The following RELN variants were observed in gnomAD, a reference collection of about 807,000 sequenced individuals.
The protein encoded by RELN is reelin.
A neutral mutation model predicts 427.6 loss-of-function variants in RELN; 108 were observed. That is an observed-to-expected ratio of 0.25 (90% CI 0.22 to 0.30). The LOEUF is 0.30. Among genes scored for constraint, RELN ranks in the 10% least tolerant of loss-of-function variants. RELN has a pLI of 1.00. For synonymous variants in RELN, 1,524 were observed against 1,513.4 expected (o/e 1.01, Z -0.16); for missense variants, 3,715 against 4,302.8 (o/e 0.86, Z 3.82).
chr7:103,920,625 G>C (rs548261763), intron 1 of RELN, among the ~76,000 whole-genome samples: 3 of 145,108 alleles, frequency 2.1e-5, no homozygotes, highest in African/African-American at 8.1e-5. Context: ...CCAGGCTGGA[G>C]TGCAGTGGCA....
chr7:103,749,088 T>A (rs753227415), intron 6 of RELN, among the ~76,000 whole-genome samples: 1 of 152,170 alleles, frequency 6.6e-6, no homozygotes, highest in African/African-American at 2.4e-5. Flanking sequence ...AAATCATTTG[T>A]CATTTCAGAT....
chr7:103,779,683 C>T (rs557116108), intron 3 of RELN, among the ~76,000 whole-genome samples: 2 of 152,120 alleles, frequency 1.3e-5, no homozygotes, highest in Non-Finnish European at 2.9e-5. Flanking sequence ...AGCTTTCAAT[C>T]TCTTTTCAGA....
intron 2 of RELN, among the ~76,000 whole-genome samples, chr7:103,860,600 C>T (rs1455551899): frequency 2.0e-5 from 3 of 152,234 alleles, no homozygotes; most frequent in African/African-American, 7.2e-5. Context: ...GTATGGCAGA[C>T]GTGGCTTATA....
chr7:103,564,802 T>C (rs572646818), intron 34 of RELN, among the ~76,000 whole-genome samples: 2 of 152,238 alleles, frequency 1.3e-5, no homozygotes, highest in East Asian at 3.9e-4. Flanking sequence ...GGAAGCCTGC[T>C]GTAAGTCAGT....
chr7:103,572,888 T>G (rs752892862), intron 30 of RELN, among the ~76,000 whole-genome samples: 53 of 152,194 alleles, frequency 3.5e-4, no homozygotes, highest in South Asian at 8.3e-4. Context: ...GGGATACATG[T>G]GCAGAACGTG....
chr7:103,665,879 TCA>T (rs1833254174), intron 11 of RELN, among the ~76,000 whole-genome samples: 1 of 140,996 alleles, frequency 7.1e-6, no homozygotes, highest in African/African-American at 2.7e-5. Context: ...TCCGTGTCTC[TCA>T]CTCTCTCATT....
intron 1 of RELN, among the ~76,000 whole-genome samples, chr7:103,952,950 G>A (rs1330648887): frequency 6.6e-6 from 1 of 152,098 alleles, no homozygotes; most frequent in Non-Finnish European, 1.5e-5. Flanking sequence ...TCATTAAAAG[G>A]TGTTCCCCTC....
chr7:103,647,814 T>C (rs1302308422), intron 16 of RELN, among the ~76,000 whole-genome samples: 1 of 152,042 alleles, frequency 6.6e-6, no homozygotes, highest in South Asian at 2.1e-4. Flanking sequence ...ACTACAAGAC[T>C]ATAGTAAACA....
intron 1 of RELN, among the ~76,000 whole-genome samples, chr7:103,987,273 C>G (rs545828489): frequency 6.6e-6 from 1 of 152,236 alleles, no homozygotes; most frequent in South Asian, 2.1e-4. Context: ...AATTGAGATT[C>G]TCCTCCGCAA....
chr7:103,881,442 C>G (rs1794603895), intron 2 of RELN, among the ~76,000 whole-genome samples: 1 of 152,032 alleles, frequency 6.6e-6, no homozygotes, highest in Non-Finnish European at 1.5e-5. Context: ...TCATCAGAGA[C>G]AGAAAGAGCT....
intron 20 of RELN, among the ~76,000 whole-genome samples, chr7:103,628,834 T>C (rs1562929925): frequency 6.6e-6 from 1 of 152,214 alleles, no homozygotes; most frequent in Non-Finnish European, 1.5e-5. Context: ...GTATACACAG[T>C]GGTGAAGGTT....
intron 4 of RELN, among the ~76,000 whole-genome samples, chr7:103,774,071 T>C (rs1791675011): frequency 6.6e-6 from 1 of 151,940 alleles, no homozygotes; most frequent in African/African-American, 2.4e-5. Flanking sequence ...TGAGGCAGGC[T>C]GATTACCTGA....
intron 3 of RELN, among the ~76,000 whole-genome samples, chr7:103,833,309 A>G (rs935077560): frequency 6.6e-6 from 1 of 152,176 alleles, no homozygotes; most frequent in East Asian, 1.9e-4. Flanking sequence ...TATTTTTGTC[A>G]GCTAAAATCC....
chr7:103,508,273 T>C (rs1829283364), intron 51 of RELN, among the ~76,000 whole-genome samples: 1 of 152,122 alleles, frequency 6.6e-6, no homozygotes. Context: ...AATATTGATG[T>C]GAAAATCCTT....
At chr7:103,761,537 C>T (rs868658327) in intron 4 of RELN, among the ~76,000 whole-genome samples, 4 of 152,090 alleles carry the variant, frequency 2.6e-5, no homozygotes, top group Non-Finnish European at 4.4e-5. Flanking sequence ...ACTGCAATCT[C>T]AACCTCCTAG....
At chr7:103,525,270 A>AT (rs1829797525) in intron 46 of RELN, among the ~76,000 whole-genome samples, 2 of 152,202 alleles carry the variant, frequency 1.3e-5, no homozygotes, top group Non-Finnish European at 2.9e-5. Flanking sequence ...TCTCATAGCA[A>AT]ACTATTGTTT....
chr7:103,624,327 T>C (rs1832281565), intron 20 of RELN, among the ~76,000 whole-genome samples: 1 of 152,226 alleles, frequency 6.6e-6, no homozygotes, highest in African/African-American at 2.4e-5. Flanking sequence ...TCTCTCGGGC[T>C]GATCACGCCA....
At chr7:103,742,086 G>A (rs776905767) in intron 6 of RELN, among the ~76,000 whole-genome samples, 1 of 152,076 alleles carries the variant, frequency 6.6e-6, no homozygotes, top group Non-Finnish European at 1.5e-5. Flanking sequence ...GGAACGATCA[G>A]GCAGCAACAT....
chr7:103,808,186 T>C (rs568726239), intron 3 of RELN, among the ~76,000 whole-genome samples: 311 of 143,022 alleles, frequency 2.2e-3, no homozygotes, highest in African/African-American at 7.9e-3. Context: ...CAACCAACAA[T>C]AAAGATAACC....
Sources: gnomAD v4.1 joint callset for allele counts (sites outside exome capture counted in the v4.1 genomes callset) on GRCh38, gnomAD v4.1.1 for gene constraint, MANE v1.5 for transcripts, NCBI Gene and HGNC (gene_info 2026-07-23, HGNC 2026-07-21) for gene names.